Variants in CPA5 observed in about 807,000 individuals in gnomAD.
CPA5 encodes carboxypeptidase A5.
A neutral mutation model predicts 52.2 loss-of-function variants in CPA5; 38 were observed. That is an observed-to-expected ratio of 0.73 (90% CI 0.56 to 0.95). The LOEUF is 0.95. Among genes scored for constraint, CPA5 ranks in the 40% least tolerant of loss-of-function variants. CPA5 has a pLI of 0.00. For missense variants in CPA5, 519 were observed against 566.7 expected (o/e 0.92, Z 0.86); for synonymous variants, 198 against 213.7 (o/e 0.93, Z 0.64).
At chr7:130,357,962 G>GTGTT (rs1340958003) in intron 5 of CPA5, among the ~76,000 whole-genome samples, 1 of 104,100 alleles carries the variant, frequency 9.6e-6, no homozygotes, top group Admixed American at 8.3e-5. Flanking sequence ...CTGTGTGTGT[G>GTGTT]TGTGTGTGTG....
chr7:130,359,439 C>T, intron 5 of CPA5, 150 bp from the exon 6 acceptor site: 1 of 569,476 alleles, frequency 1.8e-6, no homozygotes, highest in Non-Finnish European at 3.1e-6. Context: ...CAACCTGGAC[C>T]TTCCTTCTGT....
In CPA5 at chr7:130,361,230, A is replaced by G. The variant is rs1554406576; in HGVS notation, c.520A>G (p.Ile174Val). The G allele has an allele frequency of 1.9e-6, 3 of 1,612,438 alleles. No individual in the cohort carries two copies. The highest frequency in any genetic ancestry group is 1.1e-5 in the South Asian group (1 of 91,034). The change falls in exon 7 of 13, where the codon ATT (isoleucine) becomes GTT (valine). Residue 174 changes from isoleucine to valine, a missense_variant. By Grantham distance (29) the Ile-to-Val change is conservative. Coordinates refer to ENST00000474905, the MANE Select transcript of CPA5 (RefSeq NM_080385.5). ...QIGNSFENQS[I>V]LVLKFSTGGS... Reference sequence around the variant, plus strand: ...TGGCAACAGCTTTGAAAACCAGTCCATTCTTGTCCTGAAGGTAAAAGCCCA... The same window carrying G: ...TGGCAACAGCTTTGAAAACCAGTCCGTTCTTGTCCTGAAGGTAAAAGCCCA...
intron 7 of CPA5, among the ~76,000 whole-genome samples, chr7:130,361,744 A>C (rs73152855): frequency 6.6e-6 from 1 of 152,196 alleles, no homozygotes; most frequent in Non-Finnish European, 1.5e-5. Flanking sequence ...TCCTTGGGTC[A>C]TGAAGGAAGT....
Position 130,356,462 on chromosome 7 carries a change from C to T in CPA5, c.334-3127C>T, listed in dbSNP as rs558942977. ...GGCATTCCTCAGCCTGTGGCCTGAC[C>T]GCATTCTTCCGTCACCCATCCCCTT... On this transcript the variant is annotated intron_variant, in intron 5 of 12. Coordinates refer to ENST00000474905, the MANE Select transcript of CPA5 (RefSeq NM_080385.5). 3.1e-3 allele frequency among the ~76,000 whole-genome samples: 469 copies of T among 152,306 alleles called. 4 individuals carry two copies. Among genetic ancestry groups the T allele is most frequent in the African/African-American group, 0.01 (435 of 41,538 alleles).
rs1372192534 is a variant in CPA5 at position 130,367,506 on chromosome 7, T to A, written c.973T>A (p.Tyr325Asn). 1.9e-6 allele frequency: 3 copies of A among 1,613,968 alleles called. No homozygotes were observed. In the African/African-American group the frequency reaches 4.0e-5, roughly 22 times the overall value. The change falls in exon 11 of 13, where the codon TAC (tyrosine) becomes AAC (asparagine). Residue 325 changes from tyrosine to asparagine, a missense_variant. Tyr to Asn is a moderately radical substitution (Grantham distance 143). Coordinates refer to ENST00000474905, the MANE Select transcript of CPA5 (RefSeq NM_080385.5). ...CAAGGCTCTGATCTCCATCCACAGCTACTCTCAGATGCTTATGTACCCTTA... is the reference window on the plus strand; with the variant it reads ...CAAGGCTCTGATCTCCATCCACAGCAACTCTCAGATGCTTATGTACCCTTA... ...NFKALISIHS[Y>N]SQMLMYPYGR...
chr7:130,347,911 C>T lies in CPA5; in HGVS notation c.198+64C>T. 14 of 1,312,040 alleles carry T rather than the reference C, an allele frequency of 1.1e-5. No individual in the cohort carries two copies. In the South Asian group the frequency reaches 1.7e-4, roughly 16 times the overall value. 81.3% of individuals were successfully genotyped at this position (1,312,040 alleles called of 1,614,324 possible). A position where few individuals can be genotyped will look rare whatever the true frequency, so the allele number is the denominator to read the frequency against. ...CCTCAGTGGCTCACACATTTAGCTCCTTGTCCTGCCCCCCTTTATCCCAAA... is the reference window on the plus strand; with the variant it reads ...CCTCAGTGGCTCACACATTTAGCTCTTTGTCCTGCCCCCCTTTATCCCAAA... On this transcript the variant is annotated intron_variant, in intron 4 of 12. Transcript: ENST00000474905.
At chr7:130,369,885 G>C (rs1554409709), downstream of CPA5, among the ~76,000 whole-genome samples, 4 of 152,238 alleles carry the variant, frequency 2.6e-5, no homozygotes. Context: ...CATTCAGCCT[G>C]TGAAAGGAGA....
rs17164867 is a variant in CPA5, at chr7:130,368,444, T to A, written c.1158T>A (p.Tyr386Ter). The A allele has an allele frequency of 6.2e-7, 1 of 1,613,960 alleles. No individual in the cohort carries two copies. Among genetic ancestry groups the A allele is most frequent in the Non-Finnish European group, 8.5e-7 (1 of 1,179,966 alleles). ...GTGGGATCACCGTCGACTGGGCCTATGACAGTGGCATCAAGTACGCCTTCA... is the reference window on the plus strand; with the variant it reads ...GTGGGATCACCGTCGACTGGGCCTAAGACAGTGGCATCAAGTACGCCTTCA... ...VASGITVDWA[Y>*]DSGIKYAFSF... The change falls in exon 13 of 13, where the codon TAT becomes TAA. Residue 386 changes from tyrosine to a stop codon, truncating the protein, a stop_gained. Transcript: ENST00000474905. LOFTEE classifies it high-confidence loss of function.
At chr7:130,372,035 A>T (rs1554409982), downstream of CPA5, among the ~76,000 whole-genome samples, 1 of 152,168 alleles carries the variant, frequency 6.6e-6, no homozygotes, top group Non-Finnish European at 1.5e-5. Flanking sequence ...CTTTCCTGGA[A>T]CATTCTTTTC....
intron 5 of CPA5, among the ~76,000 whole-genome samples, chr7:130,352,517 G>C (rs1795221386): frequency 6.6e-6 from 1 of 152,034 alleles, no homozygotes. Context: ...GGGGGGGCTG[G>C]CCAGAGGAAG....
rs532441124 is a variant in CPA5 at position 130,368,130 on chromosome 7, G to A, written c.1123+140G>A. On this transcript the variant is annotated intron_variant, in intron 12 of 12. Coordinates refer to ENST00000474905, the MANE Select transcript of CPA5 (RefSeq NM_080385.5). ...AAGGGTGAACAGTGGTACCCAGGGA[G>A]CTGTTTCTTGGCAGCTTTTGTGCAC... 9 of 838,766 alleles carry A rather than the reference G, an allele frequency of 1.1e-5. No homozygotes were observed. The East Asian group carries it at 2.1e-4, about 20-fold the overall frequency. The allele number at this position is 838,766 out of a possible 1,614,324, so 52.0% of individuals were successfully genotyped here.
At chr7:130,349,811 G>T (rs937671860) in intron 4 of CPA5, among the ~76,000 whole-genome samples, 164 bp from the exon 5 acceptor site, 21 of 151,272 alleles carry the variant, frequency 1.4e-4, no homozygotes, top group African/African-American at 4.6e-4. Flanking sequence ...GCTGTTTCAG[G>T]CATCCGCTGA....
chr7:130,354,906 GT>G (rs1795385284), intron 5 of CPA5, among the ~76,000 whole-genome samples: 1 of 152,022 alleles, frequency 6.6e-6, no homozygotes, highest in Non-Finnish European at 1.5e-5. Context: ...GAATAGCAGA[GT>G]TTTAAAGGTA....
At chr7:130,363,880 C>T (rs909271015) in intron 10 of CPA5, among the ~76,000 whole-genome samples, 3 of 152,124 alleles carry the variant, frequency 2.0e-5, no homozygotes, top group African/African-American at 7.2e-5. Flanking sequence ...TATGGTGCTC[C>T]TAAAATATCC....
At chr7:130,365,905 G>C (rs1489716532) in intron 10 of CPA5, among the ~76,000 whole-genome samples, 2 of 152,192 alleles carry the variant, frequency 1.3e-5, no homozygotes, top group Non-Finnish European at 2.9e-5. Context: ...CTGTTAGATG[G>C]GCTGATTCCA....
In CPA5 at chr7:130,346,355, A is replaced by G. The variant is rs868989844; in HGVS notation, c.-93-38A>G. On this transcript the variant is annotated intron_variant, in intron 2 of 12. Coordinates refer to ENST00000474905, the MANE Select transcript of CPA5 (RefSeq NM_080385.5). The stretch of plus-strand genomic sequence containing the variant: ...CCAAGGCCTGGCATGTGGGAGCCAC[A>G]TGCTGGGTGCCCCAGACAGCCTAAT... The G allele has an allele frequency of 2.6e-5, 16 of 613,050 alleles. No individual in the cohort carries two copies. In the Middle Eastern group the frequency reaches 2.0e-3, roughly 79 times the overall value. The allele number at this position is 613,050 out of a possible 1,614,324, so 38.0% of individuals were successfully genotyped here.
chr7:130,358,746 A>G (rs1463448824), intron 5 of CPA5, among the ~76,000 whole-genome samples: 3 of 152,180 alleles, frequency 2.0e-5, no homozygotes, highest in Admixed American at 6.5e-5. Context: ...GGTGAAGGAC[A>G]CTAGCTCATC....
intron 6 of CPA5, 72 bp from the exon 7 acceptor site, chr7:130,361,071 C>A: frequency 1.1e-6 from 1 of 934,538 alleles, no homozygotes; most frequent in Non-Finnish European, 1.8e-6. Context: ...ACAGGGAGAA[C>A]ATTCAGAGAG....
downstream of CPA5, among the ~76,000 whole-genome samples, chr7:130,373,547 G>A (rs1376747429): frequency 6.6e-6 from 1 of 152,376 alleles, no homozygotes; most frequent in African/African-American, 2.4e-5. Flanking sequence ...CCGGGAGGCC[G>A]TGGGGGCTGG....
Sources: gnomAD v4.1 joint callset for allele counts (sites outside exome capture counted in the v4.1 genomes callset) on GRCh38, gnomAD v4.1.1 for gene constraint, MANE v1.5 for transcripts, NCBI Gene and HGNC (gene_info 2026-07-23, HGNC 2026-07-21) for gene names.